Variants in PLBD2 observed in about 807,000 individuals in gnomAD.
The protein encoded by PLBD2 is putative aminopeptidase PLBD2.
PLBD2 carries 51 observed loss-of-function variants against 68.3 expected under a neutral mutation model. The ratio of observed to expected loss-of-function variants is 0.75; its 90% CI spans 0.60 to 0.94. The LOEUF is 0.94. Among genes scored for constraint, PLBD2 ranks in the 40% least tolerant of loss-of-function variants. PLBD2 has a pLI of 0.00. For missense variants in PLBD2, 729 were observed against 792.2 expected, an observed-to-expected ratio of 0.92 and a Z score of 0.96; for synonymous variants, 314 against 339.3, an observed-to-expected ratio of 0.93 and a Z score of 0.82.
At chr12:113,361,401 A>G (rs1453518966) in intron 1 of PLBD2, among the ~76,000 whole-genome samples, 1 of 126,522 alleles carries the variant, frequency 7.9e-6, no homozygotes, top group Non-Finnish European at 1.5e-5. Context: ...GTGCAGTGGT[A>G]TGATCATGGC....
chr12:113,361,103 T>C (rs1480269913), intron 1 of PLBD2, among the ~76,000 whole-genome samples: 2 of 151,964 alleles, frequency 1.3e-5, no homozygotes, highest in South Asian at 2.1e-4. Flanking sequence ...AAGAAAGCCA[T>C]AGGGGGTGTC....
intron 5 of PLBD2, among the ~76,000 whole-genome samples, chr12:113,379,766 C>T (rs972484620): frequency 1.4e-4 from 22 of 151,756 alleles, no homozygotes; most frequent in Admixed American, 6.6e-4. Context: ...GAGCTGAGAT[C>T]GCCCCATTGC....
chr12:113,373,761 G>A (rs1315172088), intron 3 of PLBD2, among the ~76,000 whole-genome samples: 2 of 113,280 alleles, frequency 1.8e-5, no homozygotes, highest in African/African-American at 3.5e-5. Context: ...CTATCCATTC[G>A]CTCACTCACT....
At chr12:113,387,163 A>G (rs1957560995) in intron 10 of PLBD2, 74 bp downstream of exon 10, 2 of 1,475,548 alleles carry the variant, frequency 1.4e-6, no homozygotes, top group Non-Finnish European at 1.8e-6. Flanking sequence ...CGCTTTTTGT[A>G]CCAACTCATT....
chr12:113,363,638 C>T (rs965452830), intron 1 of PLBD2, among the ~76,000 whole-genome samples: 5 of 150,784 alleles, frequency 3.3e-5, no homozygotes, highest in African/African-American at 1.2e-4. Context: ...CCCGGGTTCA[C>T]GCCATTCTCC....
At chr12:113,360,816 C>T (rs529211187) in intron 1 of PLBD2, among the ~76,000 whole-genome samples, 25 of 152,194 alleles carry the variant, frequency 1.6e-4, no homozygotes, top group East Asian at 7.7e-4. Flanking sequence ...CCACCATGCC[C>T]GGCTAATTTT....
chr12:113,382,901 T>G (rs1200279242), intron 6 of PLBD2, among the ~76,000 whole-genome samples: 4 of 141,952 alleles, frequency 2.8e-5, no homozygotes, highest in Non-Finnish European at 6.1e-5. Flanking sequence ...AGATAGGCTC[T>G]CTCTCTGTTG....
chr12:113,380,808 C>A lies in PLBD2; in HGVS notation c.923C>A (p.Ser308Tyr). 6.4e-7 allele frequency: 1 copy of A among 1,556,840 alleles called. No homozygotes were observed. Residue 308 changes from serine (S) to tyrosine (Y), a missense_variant, in exon 6 of 12, where the codon TCC becomes TAC. By Grantham distance (144) the Ser-to-Tyr change is moderately radical (BLOSUM62 -2). Coordinates refer to ENST00000280800, the MANE Select transcript of PLBD2 (RefSeq NM_173542.4). ...TCCTCCTACCCCGGCACCATCTTCTCCTGCGACGACTTCTACATCCTGGGC... is the reference window on the plus strand; with the variant it reads ...TCCTCCTACCCCGGCACCATCTTCTACTGCGACGACTTCTACATCCTGGGC... ...VFSSYPGTIF[S>Y]CDDFYILGSG...
chr12:113,369,842 T>C (rs1020754377), intron 2 of PLBD2, among the ~76,000 whole-genome samples: 1 of 151,588 alleles, frequency 6.6e-6, no homozygotes, highest in Non-Finnish European at 1.5e-5. Context: ...GAAAATGTTC[T>C]GGAGTTAGAG....
chr12:113,360,668 A>C (rs1204393838), intron 1 of PLBD2, among the ~76,000 whole-genome samples: 1 of 152,054 alleles, frequency 6.6e-6, no homozygotes, highest in Non-Finnish European at 1.5e-5. Context: ...TTTGTATTTT[A>C]TTTTTTGAGA....
At position 113,363,780 on chromosome 12, in the gene PLBD2, A is replaced by G. The variant is rs186879201; in HGVS notation, c.290+4890A>G. Among the ~76,000 whole-genome samples, 264 of 151,408 alleles carry G rather than the reference A, an allele frequency of 1.7e-3. 1 individual carries two copies. Among genetic ancestry groups the G allele is most frequent in the African/African-American group, 6.1e-3 (251 of 41,306 alleles). On this transcript the variant is annotated intron_variant, in intron 1 of 11. Transcript: ENST00000280800. Reference sequence around the variant, plus strand: ...TCTCGATCTCCTGACCTCATGATCCACCCGCCTCAGCCTCCCAGAGTGTTG... The same window carrying G: ...TCTCGATCTCCTGACCTCATGATCCGCCCGCCTCAGCCTCCCAGAGTGTTG...
chr12:113,382,727 C>G (rs186864959), intron 6 of PLBD2, among the ~76,000 whole-genome samples: 12 of 151,810 alleles, frequency 7.9e-5, no homozygotes, highest in African/African-American at 2.9e-4. Context: ...CTGTGTCCAG[C>G]CTTTTTTTTC....
Position 113,361,787 on chromosome 12 carries a change from G to A in PLBD2, c.290+2897G>A, listed in dbSNP as rs557767915. Among the ~76,000 whole-genome samples, 16 of 152,174 alleles carry A rather than the reference G, an allele frequency of 1.1e-4. No individual in the cohort carries two copies. In the East Asian group the frequency reaches 2.3e-3, roughly 22 times the overall value. ...AGTCTAGCTCTGGCCTTGGTCCTGG[G>A]GAAGCTGTATCCTCCAACCTTACTT... is the stretch of plus-strand genomic sequence containing the variant. On this transcript the variant is annotated intron_variant, in intron 1 of 11. Coordinates refer to ENST00000280800, the MANE Select transcript of PLBD2 (RefSeq NM_173542.4).
rs1593293389 is a variant in PLBD2 at position 113,387,819 on chromosome 12, C to T, written c.1515C>T (p.Ile505=). 1 of 1,614,196 alleles carries T rather than the reference C, an allele frequency of 6.2e-7. No individual in the cohort carries two copies. Among genetic ancestry groups the T allele is most frequent in the Non-Finnish European group, 8.5e-7 (1 of 1,180,014 alleles). The change falls in exon 11 of 12, where the codon ATC becomes ATT. Residue 505 remains isoleucine, a synonymous_variant. Transcript: ENST00000280800. ...CNPQPNGENA[I]SARSDLNPAN... ...CCCAGCCCAATGGGGAGAATGCTAT[C>T]TCCGCCCGCTCCGACCTCAACCCGG...
chr12:113,380,259 C>A (rs1957474741), intron 5 of PLBD2, among the ~76,000 whole-genome samples: 1 of 152,178 alleles, frequency 6.6e-6, no homozygotes. Flanking sequence ...GACCCAGCCT[C>A]CCAAGTAGCT....
Position 113,388,514 on chromosome 12 carries a change from C to G in PLBD2, c.1658C>G (p.Thr553Arg). 6.2e-7 allele frequency: 1 copy of G among 1,609,514 alleles called. No homozygotes were observed. The highest frequency in any genetic ancestry group is 8.5e-7 in the Non-Finnish European group (1 of 1,178,954). ...AGCCTGCTGGCGGCCAGCGGTCCCA[C>G]GTGGGACCAGGTGCCCCCGTTCCAG... Reference protein sequence around the residue: ...ILSLLAASGPTWDQVPPFQWS... With the variant: ...ILSLLAASGPRWDQVPPFQWS... Residue 553 changes from threonine (T) to arginine (R), a missense_variant, in exon 12 of 12, where the codon ACG (threonine) becomes AGG (arginine). Coordinates refer to ENST00000280800, the MANE Select transcript of PLBD2 (RefSeq NM_173542.4).
chr12:113,373,587 T>C (rs535532441), intron 3 of PLBD2, among the ~76,000 whole-genome samples: 1 of 150,398 alleles, frequency 6.6e-6, no homozygotes, highest in Non-Finnish European at 1.5e-5. Context: ...CATCCATGCA[T>C]CCATCCATCC....
At chr12:113,385,076 C>CT in intron 8 of PLBD2, 130 bp downstream of exon 8, 1 of 1,292,540 alleles carries the variant, frequency 7.7e-7, no homozygotes, top group Non-Finnish European at 1.1e-6. Context: ...GAGAAGGTGT[C>CT]CCTGGTGGGG....
chr12:113,379,168 C>T (rs570918105), intron 5 of PLBD2, among the ~76,000 whole-genome samples: 1 of 151,962 alleles, frequency 6.6e-6, no homozygotes, highest in East Asian at 1.9e-4. Flanking sequence ...ATTAGCTAGA[C>T]ATGGTGGTAA....
Sources: allele counts gnomAD v4.1 joint callset (sites outside exome capture counted in the v4.1 genomes callset), GRCh38; gene constraint gnomAD v4.1.1; transcripts MANE v1.5; gene names NCBI Gene and HGNC (gene_info 2026-07-23, HGNC 2026-07-21).